The following AP5S1 variants were observed in gnomAD, a reference collection of about 807,000 sequenced individuals.
The protein encoded by AP5S1 is adaptor related protein complex 5 subunit sigma 1.
In AP5S1, 13 loss-of-function variants were observed where a neutral mutation model predicts 13.9. The ratio of observed to expected loss-of-function variants is 0.94; its 90% CI spans 0.61 to 1.49. The LOEUF (loss-of-function observed/expected upper bound fraction) is 1.49, where lower values mean the gene tolerates loss of function less well. Among genes scored for constraint, AP5S1 ranks in the 40% most tolerant of loss-of-function variants. The pLI, the probability that AP5S1 is intolerant of heterozygous loss-of-function variation, is 0.00. For synonymous variants in AP5S1, 132 were observed against 121.8 expected (o/e 1.08, Z -0.55); for missense variants, 292 against 272.3 (o/e 1.07, Z -0.51).
intron 2 of AP5S1, 124 bp from the exon 3 acceptor site, chr20:3,823,747 C>T: frequency 6.6e-7 from 1 of 1,507,498 alleles, no homozygotes; most frequent in South Asian, 1.3e-5. Context: ...CACTTAGTCT[C>T]TCTAGGCCTC....
chr20:3,825,053 G>A lies in AP5S1; in HGVS notation c.*756G>A, dbSNP rs1336225556. ...AGCCCCTGGCTTTGTGCCCACTTAG[G>A]CAGTATTATCAACAAGGTCCTGCTC... On this transcript the variant is annotated 3_prime_UTR_variant, in exon 3 of 3. Transcript: ENST00000615891. The A allele has an allele frequency of 1.3e-5, 2 of 152,136 alleles. No individual in the cohort carries two copies. Among genetic ancestry groups the A allele is most frequent in the Admixed American group, 1.3e-4 (2 of 15,270 alleles). 9.4% of individuals were successfully genotyped at this position (152,136 alleles called of 1,614,324 possible). A position where few individuals can be genotyped will look rare whatever the true frequency, so the allele number is the denominator to read the frequency against.
rs1272819691 is a variant in AP5S1 at position 3,822,304 on chromosome 20, A to G, written c.176+11A>G. 1.9e-6 allele frequency: 3 copies of G among 1,612,422 alleles called. No homozygotes were observed. Among genetic ancestry groups the G allele is most frequent in the South Asian group, 2.2e-5 (2 of 91,070 alleles). On this transcript the variant is annotated intron_variant, in intron 2 of 2. Coordinates refer to ENST00000615891, the MANE Select transcript of AP5S1 (RefSeq NM_018347.3). ...TTTAGCTGTGGCCAGGTAACCACAC[A>G]GCCCAGCCCCAGGCCTTCATTGAAC...
At chr20:3,821,696 G>A (rs755158849) in intron 1 of AP5S1, among the ~76,000 whole-genome samples, 1 of 151,964 alleles carries the variant, frequency 6.6e-6, no homozygotes, top group African/African-American at 2.4e-5. Context: ...TCCAGGACCC[G>A]ATCCAGGAGT....
chr20:3,823,627 C>G (rs995839433), intron 2 of AP5S1: 1 of 985,266 alleles, frequency 1.0e-6, no homozygotes, highest in African/African-American at 1.7e-5. Flanking sequence ...CTCTGGTGCC[C>G]TTTTTCAGCC....
chr20:3,822,255 C>T lies in AP5S1; in HGVS notation c.138C>T (p.Asp46=). 1.9e-6 allele frequency: 3 copies of T among 1,614,180 alleles called. No individual in the cohort carries two copies. The highest frequency in any genetic ancestry group is 2.5e-6 in the Non-Finnish European group (3 of 1,180,034). ...DDPRPHGAER[D]RLLRKEQILA... The stretch of plus-strand genomic sequence containing the variant: ...CACGGCCGCATGGTGCCGAGAGGGA[C>T]AGGCTTCTCCGGAAGGAACAGATTT... Residue 46 remains aspartate, a synonymous_variant, in exon 2 of 3, where the codon GAC becomes GAT. Transcript: ENST00000615891.
In AP5S1 at chr20:3,823,233, C is replaced by T. The variant is rs146948860; in HGVS notation, c.177-638C>T. 1.6e-4 allele frequency among the ~76,000 whole-genome samples: 24 copies of T among 152,062 alleles called. 1 individual carries two copies. The East Asian group carries it at 4.1e-3, about 26-fold the overall frequency. ...TTGGACTGCCCACGTTGGGTGATGG[C>T]GTTTATTTTCTGCCTCATCCCTTTC... is the stretch of plus-strand genomic sequence containing the variant. On this transcript the variant is annotated intron_variant, in intron 2 of 2. Transcript: ENST00000615891.
intron 2 of AP5S1, among the ~76,000 whole-genome samples, chr20:3,823,350 GC>G (rs2089598075): frequency 1.3e-5 from 2 of 152,182 alleles, no homozygotes; most frequent in Non-Finnish European, 2.9e-5. Context: ...CTGGGTTCAT[GC>G]CATTCTCCTG....
chr20:3,822,394 G>A, intron 2 of AP5S1, 101 bp downstream of exon 2: 6 of 1,191,510 alleles, frequency 5.0e-6, no homozygotes, highest in Non-Finnish European at 7.2e-6. Flanking sequence ...GGACTAAGAA[G>A]CAGAGAGGAA....
In AP5S1 at chr20:3,828,724, G is replaced by A. The variant is rs1291445792; in HGVS notation, c.*4427G>A. 1 of 152,148 alleles carries A rather than the reference G, an allele frequency of 6.6e-6. No homozygotes were observed. Among genetic ancestry groups the A allele is most frequent in the Admixed American group, 6.6e-5 (1 of 15,266 alleles). The allele number at this position is 152,148 out of a possible 1,614,324, so 9.4% of individuals were successfully genotyped here. On this transcript the variant is annotated 3_prime_UTR_variant, in exon 3 of 3. Transcript: ENST00000615891. ...AATCATGAGCTTGACAGCTCATTTT[G>A]GAAGTACTGCTGAATAGTATTCCAT... is the stretch of plus-strand genomic sequence containing the variant.
At chr20:3,823,638 C>G in intron 2 of AP5S1, 1 of 985,376 alleles carries the variant, frequency 1.0e-6, no homozygotes, top group Non-Finnish European at 1.2e-6. Context: ...TTTTTCAGCC[C>G]AAGGAGCTGG....
chr20:3,821,979 A>G (rs2089585835), intron 1 of AP5S1, 123 bp from the exon 2 acceptor site: 3 of 1,394,342 alleles, frequency 2.2e-6, no homozygotes, highest in African/African-American at 2.9e-5. Flanking sequence ...CTGTTATTCA[A>G]AGTGTTCAGC....
chr20:3,821,259 C>T (rs1316584636), intron 1 of AP5S1, among the ~76,000 whole-genome samples: 3 of 152,178 alleles, frequency 2.0e-5, no homozygotes, highest in African/African-American at 7.2e-5. Context: ...CTCCTGCATT[C>T]AAAATCGGGT....
intron 1 of AP5S1, among the ~76,000 whole-genome samples, chr20:3,821,143 T>G (rs180767294): frequency 4.6e-5 from 7 of 152,352 alleles, no homozygotes; most frequent in African/African-American, 1.4e-4. Flanking sequence ...TTTTTCTCTC[T>G]GCCTTTTTTC....
At position 3,822,265 on chromosome 20, in the gene AP5S1, C is replaced by T. The variant is rs373301302; in HGVS notation, c.148C>T (p.Arg50Trp). The change falls in exon 2 of 3, where the codon CGG (arginine) becomes TGG (tryptophan). Residue 50 changes from arginine to tryptophan, a missense_variant. Coordinates refer to ENST00000615891, the MANE Select transcript of AP5S1 (RefSeq NM_018347.3). ...PHGAERDRLLRKEQILAVARQ... is the reference protein window; with the variant it reads ...PHGAERDRLLWKEQILAVARQ... ...TGGTGCCGAGAGGGACAGGCTTCTC[C>T]GGAAGGAACAGATTTTAGCTGTGGC... 65 of 1,613,990 alleles carry T rather than the reference C, an allele frequency of 4.0e-5. No individual in the cohort carries two copies. Among genetic ancestry groups the T allele is most frequent in the African/African-American group, 1.9e-4 (14 of 74,912 alleles).
rs1264597877 is a variant in AP5S1 at position 3,825,155 on chromosome 20, C to G, written c.*858C>G. On this transcript the variant is annotated 3_prime_UTR_variant, in exon 3 of 3. Coordinates refer to ENST00000615891, the MANE Select transcript of AP5S1 (RefSeq NM_018347.3). ...ATTCTGCAGCTCCTTTTGTGCCAAGCCCGTTCCCACCAGGCAGGCTCGAGA... is the reference window on the plus strand; with the variant it reads ...ATTCTGCAGCTCCTTTTGTGCCAAGGCCGTTCCCACCAGGCAGGCTCGAGA... The G allele has an allele frequency of 2.0e-5, 3 of 152,276 alleles. No homozygotes were observed. The highest frequency in any genetic ancestry group is 7.2e-5 in the African/African-American group (3 of 41,434). The allele number at this position is 152,276 out of a possible 1,614,324, so 9.4% of individuals were successfully genotyped here.
In AP5S1 at chr20:3,827,253, A is replaced by T. The variant is rs952564379; in HGVS notation, c.*2956A>T. ...GAAGAGAGCTTACCTGGAAGGAGGA[A>T]GAAGTCACAGGTTTTGTTTTGTTTT... On this transcript the variant is annotated 3_prime_UTR_variant, in exon 3 of 3. Transcript: ENST00000615891. 7 of 152,424 alleles carry T rather than the reference A, an allele frequency of 4.6e-5. No homozygotes were observed. The highest frequency in any genetic ancestry group is 1.4e-4 in the African/African-American group (6 of 41,464). 9.4% of individuals were successfully genotyped at this position (152,424 alleles called of 1,614,324 possible). A position where few individuals can be genotyped will look rare whatever the true frequency, so the allele number is the denominator to read the frequency against.
At position 3,822,080 on chromosome 20, in the gene AP5S1, AAT is replaced by A. The variant is rs1434887992; in HGVS notation, c.-16-21_-16-20del. 1 of 1,604,358 alleles carries A rather than the reference AAT, an allele frequency of 6.2e-7. No homozygotes were observed. Among genetic ancestry groups the A allele is most frequent in the East Asian group, 2.2e-5 (1 of 44,616 alleles). On this transcript the variant is annotated intron_variant, in intron 1 of 2. Transcript: ENST00000615891. ...TGCTGGGGTTCACTCTCACCTTACC[AAT>A]GTCTCTGGCTTCCCTGTAGCACCCA...
rs760348797 is a variant in AP5S1 at position 3,826,051 on chromosome 20, A to G, written c.*1754A>G. ...CCAAGGAAGGTGAGGCTTTCTTGGC[A>G]GAACGAGCCTCCTAGGTGCTCAGCT... On this transcript the variant is annotated 3_prime_UTR_variant, in exon 3 of 3. Coordinates refer to ENST00000615891, the MANE Select transcript of AP5S1 (RefSeq NM_018347.3). The G allele has an allele frequency of 6.6e-6, 1 of 152,108 alleles. No individual in the cohort carries two copies. Among genetic ancestry groups the G allele is most frequent in the African/African-American group, 2.4e-5 (1 of 41,408 alleles). The allele number at this position is 152,108 out of a possible 1,614,324, so 9.4% of individuals were successfully genotyped here. A position where few individuals can be genotyped will look rare whatever the true frequency, so the allele number is the denominator to read the frequency against.
At chr20:3,823,617 C>T (rs923611337) in intron 2 of AP5S1, 9 of 985,268 alleles carry the variant, frequency 9.1e-6, no homozygotes, top group South Asian at 4.7e-5. Flanking sequence ...GATCTTCTTC[C>T]TCTGGTGCCC....
Sources: gnomAD v4.1 joint callset for allele counts (sites outside exome capture counted in the v4.1 genomes callset) on GRCh38, gnomAD v4.1.1 for gene constraint, MANE v1.5 for transcripts, NCBI Gene and HGNC (gene_info 2026-07-23, HGNC 2026-07-21) for gene names.